TBL1XR1: variants seen among roughly 807,000 people sequenced by gnomAD.
The protein encoded by TBL1XR1 is TBL1X/Y related 1.
TBL1XR1 carries 5 observed loss-of-function variants against 66.9 expected under a neutral mutation model. That is an observed-to-expected ratio of 0.07 (90% CI 0.04 to 0.16). TBL1XR1 has a LOEUF of 0.16. Among genes scored for constraint, TBL1XR1 ranks in the 10% least tolerant of loss-of-function variants. The pLI, the probability that TBL1XR1 is intolerant of heterozygous loss-of-function variation, is 1.00. For synonymous variants in TBL1XR1, 210 were observed against 206.0 expected (o/e 1.02, Z -0.17); for missense variants, 238 against 623.2 (o/e 0.38, Z 6.58).
At position 177,019,633 on chromosome 3, in the gene TBL1XR1, T is replaced by C. The variant is rs2108353615; in HGVS notation, c.*5865A>G. On this transcript the variant is annotated 3_prime_UTR_variant, in exon 16 of 16. Transcript: ENST00000457928. ...AATATATTGGTAAAACAGTAAACTT[T>C]GATCTGATCTGCTACGGATTATACT... is the stretch of plus-strand genomic sequence containing the variant. The C allele has an allele frequency of 6.6e-6, 1 of 152,304 alleles. No homozygotes were observed. 9.4% of individuals were successfully genotyped at this position (152,304 alleles called of 1,614,324 possible).
chr3:177,110,497 G>T (rs964023609), intron 1 of TBL1XR1, among the ~76,000 whole-genome samples: 1 of 152,038 alleles, frequency 6.6e-6, no homozygotes, highest in African/African-American at 2.4e-5. Flanking sequence ...TCTTGGTTTT[G>T]TGGTTTTTTT....
chr3:177,136,777 G>A (rs73171107), intron 1 of TBL1XR1, among the ~76,000 whole-genome samples: 34,201 of 150,958 alleles, frequency 0.23, 4,308 homozygotes, highest in East Asian at 0.48. Flanking sequence ...ATAATACGGC[G>A]AAGAAGAAAA....
intron 2 of TBL1XR1, among the ~76,000 whole-genome samples, chr3:177,097,211 T>C (rs1723606810): frequency 6.6e-6 from 1 of 152,222 alleles, no homozygotes; most frequent in Non-Finnish European, 1.5e-5. Flanking sequence ...TCAATCAGTT[T>C]TTATGCCTCC....
At chr3:177,197,730 C>T (rs1417825847), upstream of TBL1XR1, among the ~76,000 whole-genome samples, 1 of 145,956 alleles carries the variant, frequency 6.9e-6, no homozygotes, top group East Asian at 2.0e-4. Context: ...CCAGCGGCCG[C>T]GCTCCTCTCC....
intron 1 of TBL1XR1, among the ~76,000 whole-genome samples, chr3:177,174,545 A>G (rs1169735632): frequency 1.3e-5 from 2 of 152,012 alleles, no homozygotes; most frequent in Non-Finnish European, 2.9e-5. Context: ...CCCCATCCCA[A>G]CAAACTCCCA....
chr3:177,109,901 T>C (rs1217947182), intron 1 of TBL1XR1, among the ~76,000 whole-genome samples: 3 of 152,196 alleles, frequency 2.0e-5, no homozygotes, highest in Admixed American at 6.5e-5. Context: ...CTCGATGTTC[T>C]GTGTACAGAC....
intron 10 of TBL1XR1, among the ~76,000 whole-genome samples, chr3:177,039,684 G>C (rs1002178697): frequency 1.3e-5 from 2 of 152,162 alleles, no homozygotes; most frequent in African/African-American, 4.8e-5. Flanking sequence ...AACTGGGTTA[G>C]GCAACAGAAG....
At position 177,025,207 on chromosome 3, in the gene TBL1XR1, G is replaced by A. The variant is rs1259649563; in HGVS notation, c.*291C>T. The A allele has an allele frequency of 8.1e-6, 3 of 372,234 alleles. No individual in the cohort carries two copies. The highest frequency in any genetic ancestry group is 9.0e-5 in the Admixed American group (2 of 22,270). The allele number at this position is 372,234 out of a possible 1,614,324, so 23.1% of individuals were successfully genotyped here. A position where few individuals can be genotyped will look rare whatever the true frequency, so the allele number is the denominator to read the frequency against. ...TACATGTATGTTCTGCTTTTATAAT[G>A]TATATTTTTCTCTCTTCTGTTTTTC... On this transcript the variant is annotated 3_prime_UTR_variant, in exon 16 of 16. Transcript: ENST00000457928.
At chr3:177,037,963 C>A (rs1715052536) in intron 12 of TBL1XR1, 135 bp downstream of exon 12, 1 of 649,460 alleles carries the variant, frequency 1.5e-6, no homozygotes, top group Non-Finnish European at 2.6e-6. Context: ...CAATGGTTAG[C>A]CATTTAAAAT....
At chr3:177,127,900 A>G (rs1055627726) in intron 1 of TBL1XR1, among the ~76,000 whole-genome samples, 2 of 152,182 alleles carry the variant, frequency 1.3e-5, no homozygotes, top group Non-Finnish European at 2.9e-5. Context: ...AACATTTACT[A>G]TCAGTTATCA....
intron 1 of TBL1XR1, among the ~76,000 whole-genome samples, chr3:177,116,202 C>A (rs1318010646): frequency 1.3e-5 from 2 of 152,104 alleles, no homozygotes; most frequent in African/African-American, 2.4e-5. Flanking sequence ...ATTCTCCCCC[C>A]AACCCATGTC....
chr3:177,094,435 G>A (rs1299748096), intron 2 of TBL1XR1, among the ~76,000 whole-genome samples: 1 of 152,204 alleles, frequency 6.6e-6, no homozygotes, highest in African/African-American at 2.4e-5. Flanking sequence ...AGAACTAACA[G>A]TAGAACTACC....
intron 3 of TBL1XR1, among the ~76,000 whole-genome samples, chr3:177,062,279 A>C (rs772580140): frequency 5.3e-5 from 8 of 152,220 alleles, no homozygotes; most frequent in Admixed American, 5.2e-4. Flanking sequence ...TTTTCTGTCA[A>C]GATATTGTGA....
chr3:177,112,841 A>G (rs1487164195), intron 1 of TBL1XR1, among the ~76,000 whole-genome samples: 4 of 152,034 alleles, frequency 2.6e-5, no homozygotes, highest in African/African-American at 4.8e-5. Flanking sequence ...CGTCTCTACT[A>G]AAAATACAAA....
chr3:177,162,895 T>C (rs11914622), intron 1 of TBL1XR1, among the ~76,000 whole-genome samples: 75,853 of 152,044 alleles, frequency 0.5, 19,749 homozygotes, highest in Non-Finnish European at 0.57. Context: ...GAGCAAAACA[T>C]TTGGTAACAC....
At chr3:177,080,293 C>A (rs1410466241) in intron 2 of TBL1XR1, among the ~76,000 whole-genome samples, 1 of 152,064 alleles carries the variant, frequency 6.6e-6, no homozygotes, top group African/African-American at 2.4e-5. Context: ...ATGAGTAACC[C>A]AAATTATGGC....
intron 1 of TBL1XR1, among the ~76,000 whole-genome samples, chr3:177,136,528 C>T (rs747017197): frequency 3.0e-4 from 46 of 152,318 alleles, no homozygotes; most frequent in Middle Eastern, 6.8e-3. Context: ...GATCCACCCG[C>T]CTAGGCCTCC....
upstream of TBL1XR1, among the ~76,000 whole-genome samples, chr3:177,198,961 TAGAC>T (rs901135618): frequency 3.3e-5 from 5 of 151,920 alleles, no homozygotes; most frequent in Non-Finnish European, 5.9e-5. Flanking sequence ...GTTCAGTAAT[TAGAC>T]AGGTGCTTTC....
chr3:177,030,098 G>A (rs1215291644), intron 14 of TBL1XR1, among the ~76,000 whole-genome samples: 2 of 149,884 alleles, frequency 1.3e-5, no homozygotes, highest in African/African-American at 4.9e-5. Context: ...GCACAGGTGT[G>A]TGTGTGTATG....
Sources: allele counts gnomAD v4.1 joint callset (sites outside exome capture counted in the v4.1 genomes callset), GRCh38; gene constraint gnomAD v4.1.1; transcripts MANE v1.5; gene names NCBI Gene and HGNC (gene_info 2026-07-23, HGNC 2026-07-21).